The following CTNNA3 variants were observed in gnomAD, a reference collection of about 807,000 sequenced individuals.
CTNNA3 encodes the protein catenin alpha 3, also known as catenin alpha-3.
In CTNNA3, 76 loss-of-function variants were observed where a neutral mutation model predicts 95.7. That is an observed-to-expected ratio of 0.79 (90% CI 0.66 to 0.96). The LOEUF (loss-of-function observed/expected upper bound fraction) is 0.96, where lower values mean the gene tolerates loss of function less well. Among genes scored for constraint, CTNNA3 ranks in the 40% least tolerant of loss-of-function variants. CTNNA3 has a pLI of 0.00. For missense variants in CTNNA3, 1,191 were observed against 1,089.8 expected (o/e 1.09, Z -1.31); for synonymous variants, 431 against 374.4 (o/e 1.15, Z -1.74).
intron 13 of CTNNA3, among the ~76,000 whole-genome samples, chr10:66,260,461 G>A (rs922054667): frequency 1.3e-5 from 2 of 152,110 alleles, no homozygotes; most frequent in Non-Finnish European, 1.5e-5. Context: ...TGGGGGATAG[G>A]TAATCACTCC....
intron 7 of CTNNA3, among the ~76,000 whole-genome samples, chr10:67,168,328 A>C (rs1295860806): frequency 6.6e-6 from 1 of 152,068 alleles, no homozygotes; most frequent in Non-Finnish European, 1.5e-5. Flanking sequence ...GAGACACAAC[A>C]AAAAAAGAAA....
chr10:66,265,949 T>C (rs1424268728), intron 13 of CTNNA3, among the ~76,000 whole-genome samples: 1 of 151,876 alleles, frequency 6.6e-6, no homozygotes, highest in Admixed American at 6.6e-5. Context: ...GATAGATTTA[T>C]TGGCCCGTAG....
chr10:67,024,268 C>T (rs982955498), intron 7 of CTNNA3, among the ~76,000 whole-genome samples: 2 of 152,224 alleles, frequency 1.3e-5, no homozygotes, highest in African/African-American at 4.8e-5. Flanking sequence ...TCAGTCATCT[C>T]ATTGTGTTCT....
intron 10 of CTNNA3, among the ~76,000 whole-genome samples, chr10:66,612,611 C>T (rs1407267258): frequency 3.9e-5 from 6 of 152,052 alleles, no homozygotes; most frequent in African/African-American, 1.4e-4. Flanking sequence ...GCTTTCTGGC[C>T]TCCCCAGAAA....
intron 9 of CTNNA3, among the ~76,000 whole-genome samples, chr10:66,647,823 A>G (rs1157814727): frequency 6.6e-6 from 1 of 152,092 alleles, no homozygotes; most frequent in Non-Finnish European, 1.5e-5. Context: ...CCAGCCAAAA[A>G]GAACTCTTTA....
chr10:66,326,172 C>T (rs534798446), intron 12 of CTNNA3, among the ~76,000 whole-genome samples: 1 of 152,208 alleles, frequency 6.6e-6, no homozygotes, highest in East Asian at 1.9e-4. Flanking sequence ...TACTTTACCA[C>T]ACAACTTAGA....
chr10:67,184,001 C>T (rs1862713143), intron 6 of CTNNA3, among the ~76,000 whole-genome samples: 1 of 152,098 alleles, frequency 6.6e-6, no homozygotes, highest in Non-Finnish European at 1.5e-5. Flanking sequence ...GGGACTGTAA[C>T]ATGGAAGCCT....
chr10:66,339,426 T>C (rs2092430230), intron 12 of CTNNA3, among the ~76,000 whole-genome samples: 2 of 151,790 alleles, frequency 1.3e-5, no homozygotes, highest in African/African-American at 4.8e-5. Flanking sequence ...CTTTCATAAA[T>C]CAGCAGAGGT....
intron 5 of CTNNA3, among the ~76,000 whole-genome samples, chr10:67,221,925 T>C (rs1864680512): frequency 6.6e-6 from 1 of 152,172 alleles, no homozygotes; most frequent in Non-Finnish European, 1.5e-5. Context: ...TACAGTATCT[T>C]ACTGATCATG....
intron 12 of CTNNA3, among the ~76,000 whole-genome samples, chr10:66,317,038 C>T (rs1054516694): frequency 6.6e-6 from 1 of 152,010 alleles, no homozygotes; most frequent in Non-Finnish European, 1.5e-5. Context: ...CAAATTAGTT[C>T]AGTTTCGCAT....
intron 2 of CTNNA3, among the ~76,000 whole-genome samples, chr10:67,624,585 G>T (rs1843964965): frequency 6.6e-6 from 1 of 152,156 alleles, no homozygotes; most frequent in Non-Finnish European, 1.5e-5. Context: ...TCTGCCTCTT[G>T]TCAGTTGATT....
At chr10:66,741,974 G>A (rs1849340908) in intron 9 of CTNNA3, among the ~76,000 whole-genome samples, 1 of 152,138 alleles carries the variant, frequency 6.6e-6, no homozygotes, top group African/African-American at 2.4e-5. Flanking sequence ...TAGAGCATGT[G>A]TGTTTGAACA....
intron 7 of CTNNA3, among the ~76,000 whole-genome samples, chr10:66,966,843 A>G (rs533887060): frequency 6.6e-6 from 1 of 152,228 alleles, no homozygotes; most frequent in Admixed American, 6.5e-5. Context: ...GTGTTACCCA[A>G]CATAGAACTA....
rs965640961 is a variant in CTNNA3 at position 65,913,021 on chromosome 10, C to A, written c.*7309G>T. The A allele has an allele frequency of 6.6e-6, 1 of 152,096 alleles. No homozygotes were observed. Among genetic ancestry groups the A allele is most frequent in the Non-Finnish European group, 1.5e-5 (1 of 68,000 alleles). The allele number at this position is 152,096 out of a possible 1,614,324, so 9.4% of individuals were successfully genotyped here. ...GCAAGATAGTCAGAAACACCTCAAA[C>A]GCCACTAAACTTAAGTTCCCAAGAT... On this transcript the variant is annotated 3_prime_UTR_variant, in exon 18 of 18. Transcript: ENST00000433211.
intron 5 of CTNNA3, among the ~76,000 whole-genome samples, chr10:67,508,608 T>A (rs899035871): frequency 7.2e-5 from 11 of 152,152 alleles, no homozygotes; most frequent in Non-Finnish European, 1.0e-4. Flanking sequence ...ACAATTTTTT[T>A]AAATATGATG....
chr10:66,258,145 C>G (rs998156049), intron 13 of CTNNA3, among the ~76,000 whole-genome samples: 2 of 152,196 alleles, frequency 1.3e-5, no homozygotes, highest in Non-Finnish European at 2.9e-5. Flanking sequence ...CAGCAATCTA[C>G]TCCCTTATGT....
chr10:66,643,743 T>C (rs571492939), intron 9 of CTNNA3, among the ~76,000 whole-genome samples: 1 of 152,336 alleles, frequency 6.6e-6, no homozygotes, highest in African/African-American at 2.4e-5. Flanking sequence ...TTTGTATCTG[T>C]CCTCACAAAT....
chr10:67,694,871 C>A (rs1840934162), intron 1 of CTNNA3, among the ~76,000 whole-genome samples: 1 of 152,066 alleles, frequency 6.6e-6, no homozygotes, highest in African/African-American at 2.4e-5. Context: ...AAAAGTTTTA[C>A]CAATCTTTAC....
intron 14 of CTNNA3, among the ~76,000 whole-genome samples, chr10:66,075,228 A>G (rs1236350115): frequency 1.3e-5 from 2 of 151,866 alleles, no homozygotes; most frequent in Non-Finnish European, 3.0e-5. Context: ...TGCTTAAAAA[A>G]TTTAAATGAC....
Sources: gnomAD v4.1 joint callset for allele counts (sites outside exome capture counted in the v4.1 genomes callset) on GRCh38, gnomAD v4.1.1 for gene constraint, MANE v1.5 for transcripts, NCBI Gene and HGNC (gene_info 2026-07-23, HGNC 2026-07-21) for gene names.